The following DMD variants were observed in gnomAD, a reference collection of about 807,000 sequenced individuals.
The protein encoded by DMD is mutant dystrophin.
In DMD, 63 loss-of-function variants were observed where a neutral mutation model predicts 330.1. The observed-to-expected ratio is 0.19, with a 90% confidence interval of 0.16 to 0.24. The LOEUF is 0.24. DMD is among the 10% of genes least tolerant of loss of function. The pLI, the probability that DMD is intolerant of heterozygous loss-of-function variation, is 1.00. For missense variants in DMD, 3,344 were observed against 2,684.1 expected (o/e 1.25, Z -5.43); for synonymous variants, 1,223 against 959.8 (o/e 1.27, Z -5.07).
intron 2 of DMD, among the ~76,000 whole-genome samples, chrX:32,891,979 C>A (rs1356707871): frequency 9.0e-6 from 1 of 111,324 alleles, no homozygotes; most frequent in Non-Finnish European, 1.9e-5. Context: ...AGCCACGTGA[C>A]ACAGAAATGA....
At chrX:32,591,379 G>A (rs151325498) in intron 13 of DMD, among the ~76,000 whole-genome samples, 4,021 of 111,597 alleles carry the variant, frequency 0.036, 79 homozygotes, top group Middle Eastern at 0.078. Flanking sequence ...TTTTTCTTTG[G>A]AAGACATTTT....
intron 50 of DMD, among the ~76,000 whole-genome samples, chrX:31,775,672 G>C (rs772383022): frequency 1.3e-3 from 148 of 111,312 alleles, no homozygotes; most frequent in African/African-American, 4.8e-3. Flanking sequence ...ACCAGTGAAC[G>C]ATTCTAAGAA....
At chrX:32,752,241 C>A (rs956157231) in intron 7 of DMD, among the ~76,000 whole-genome samples, 49 of 111,381 alleles carry the variant, frequency 4.4e-4, no homozygotes, top group African/African-American at 1.6e-3. Flanking sequence ...TGAAAGCATC[C>A]AGGAGGGAGG....
At chrX:32,315,480 G>A (rs371082710) in intron 41 of DMD, among the ~76,000 whole-genome samples, 3 of 109,407 alleles carry the variant, frequency 2.7e-5, no homozygotes, top group African/African-American at 1.0e-4. Context: ...AAACCTGCAC[G>A]TTCTGTACAT....
intron 60 of DMD, among the ~76,000 whole-genome samples, chrX:31,375,675 G>A (rs58579734): frequency 0.036 from 4,012 of 111,515 alleles, 186 homozygotes; most frequent in African/African-American, 0.12. Flanking sequence ...GCATAGAGAC[G>A]GAAAGTAGAA....
intron 74 of DMD, among the ~76,000 whole-genome samples, chrX:31,156,374 C>T (rs189946179): frequency 1.3e-4 from 14 of 111,610 alleles, no homozygotes; most frequent in African/African-American, 3.6e-4. Context: ...TGTCAAAGAA[C>T]GTAAAGGAAA....
chrX:32,600,598 G>A (rs201863244), intron 12 of DMD, among the ~76,000 whole-genome samples: 74 of 95,281 alleles, frequency 7.8e-4, no homozygotes, highest in African/African-American at 2.6e-3. Flanking sequence ...ACACGCACAC[G>A]CACACACACA....
chrX:32,769,073 A>G (rs1394359489), intron 7 of DMD, among the ~76,000 whole-genome samples: 1 of 112,316 alleles, frequency 8.9e-6, no homozygotes, highest in East Asian at 2.8e-4. Flanking sequence ...AAAAAACATC[A>G]TCATCTGTGA....
At chrX:33,013,228 A>T (rs1409451712) in intron 2 of DMD, among the ~76,000 whole-genome samples, 1 of 110,896 alleles carries the variant, frequency 9.0e-6, no homozygotes, top group Non-Finnish European at 1.9e-5. Flanking sequence ...TTCACATTTT[A>T]CTCATCTTGA....
chrX:32,976,258 C>T (rs1399151808), intron 2 of DMD, among the ~76,000 whole-genome samples: 4 of 109,991 alleles, frequency 3.6e-5, no homozygotes, highest in Non-Finnish European at 7.6e-5. Flanking sequence ...CAGTTCCTCT[C>T]AACTGGGCAC....
chrX:32,761,507 T>A (rs184383429), intron 7 of DMD, among the ~76,000 whole-genome samples: 1 of 112,394 alleles, frequency 8.9e-6, no homozygotes, highest in East Asian at 2.8e-4. Context: ...ATGATGATTA[T>A]CTTTAAATGT....
chrX:31,219,990 C>T (rs773915000), intron 64 of DMD, among the ~76,000 whole-genome samples: 4 of 111,454 alleles, frequency 3.6e-5, no homozygotes, highest in Non-Finnish European at 7.5e-5. Context: ...TTTCGATACA[C>T]AATACTTACT....
intron 2 of DMD, among the ~76,000 whole-genome samples, chrX:32,986,506 G>A (rs1343712934): frequency 8.9e-6 from 1 of 112,164 alleles, no homozygotes; most frequent in Non-Finnish European, 1.9e-5. Flanking sequence ...ATAAATGTGT[G>A]CACACACAAC....
intron 71 of DMD, among the ~76,000 whole-genome samples, chrX:31,176,185 AAC>A (rs1484766056): frequency 9.0e-6 from 1 of 111,721 alleles, no homozygotes; most frequent in Non-Finnish European, 1.9e-5. Flanking sequence ...TATTAAAGAA[AAC>A]ACAGACTTCA....
At chrX:33,087,152 G>A (rs1029269317) in intron 1 of DMD, among the ~76,000 whole-genome samples, 6 of 111,667 alleles carry the variant, frequency 5.4e-5, no homozygotes, top group African/African-American at 2.0e-4. Context: ...AGCATCCAAA[G>A]CCAGTTTACT....
At chrX:31,850,355 T>C (rs1466182674) in intron 48 of DMD, among the ~76,000 whole-genome samples, 1 of 112,477 alleles carries the variant, frequency 8.9e-6, no homozygotes, top group East Asian at 2.8e-4. Context: ...TGGGAATCAA[T>C]GAAATCCTAA....
chrX:33,291,371 C>T (rs1340954499), intron 1 of DMD, among the ~76,000 whole-genome samples: 2 of 110,937 alleles, frequency 1.8e-5, no homozygotes, highest in East Asian at 5.7e-4. Flanking sequence ...TCGCTCACCA[C>T]TCCTATTCAA....
At chrX:31,251,829 T>G (rs1278938772) in intron 63 of DMD, among the ~76,000 whole-genome samples, 5 of 112,551 alleles carry the variant, frequency 4.4e-5, no homozygotes, top group Non-Finnish European at 9.4e-5. Context: ...TCCAGCTACA[T>G]AAAATTGTAC....
intron 61 of DMD, among the ~76,000 whole-genome samples, chrX:31,333,525 T>C (rs147513067): frequency 1.3e-3 from 137 of 107,266 alleles, no homozygotes; most frequent in Non-Finnish European, 1.9e-3. Flanking sequence ...CTCTAATAGA[T>C]GTATCTGCTC....
Sources: gnomAD v4.1 joint callset for allele counts (sites outside exome capture counted in the v4.1 genomes callset) on GRCh38, gnomAD v4.1.1 for gene constraint, MANE v1.5 for transcripts, NCBI Gene and HGNC (gene_info 2026-07-23, HGNC 2026-07-21) for gene names.